SPATA16: variants seen among roughly 807,000 people sequenced by gnomAD.
The protein encoded by SPATA16 is spermatogenesis associated 16, also known as spermatogenesis-associated protein 16.
In SPATA16, 36 loss-of-function variants were observed where a neutral mutation model predicts 63.3. That is an observed-to-expected ratio of 0.57 (90% confidence interval 0.44 to 0.75). The LOEUF (loss-of-function observed/expected upper bound fraction) is 0.75. SPATA16 is among the 30% of genes least tolerant of loss of function. SPATA16 has a pLI of 0.00. For missense variants in SPATA16, 646 were observed against 679.3 expected, an observed-to-expected ratio of 0.95 and a Z score of 0.54; for synonymous variants, 203 against 216.7, an observed-to-expected ratio of 0.94 and a Z score of 0.56.
chr3:173,009,215 A>G (rs1735005220), intron 4 of SPATA16, among the ~76,000 whole-genome samples: 1 of 152,224 alleles, frequency 6.6e-6, no homozygotes, highest in African/African-American at 2.4e-5. Context: ...GAAAACACTA[A>G]GCTCTTCAAA....
chr3:173,046,067 C>T (rs912277078), intron 3 of SPATA16, among the ~76,000 whole-genome samples: 2 of 151,874 alleles, frequency 1.3e-5, no homozygotes, highest in African/African-American at 4.8e-5. Flanking sequence ...AAAATCTTTG[C>T]AAGTATATAC....
At chr3:173,044,385 A>G (rs73044914) in intron 3 of SPATA16, among the ~76,000 whole-genome samples, 1,868 of 152,310 alleles carry the variant, frequency 0.012, 45 homozygotes, top group African/African-American at 0.043. Flanking sequence ...TGTTAAAGTA[A>G]TAAATTAGTA....
chr3:173,060,644 T>C (rs976259184), intron 2 of SPATA16, among the ~76,000 whole-genome samples: 1 of 152,222 alleles, frequency 6.6e-6, no homozygotes, highest in East Asian at 1.9e-4. Context: ...ACACTTACTA[T>C]TGCCTTATTT....
intron 2 of SPATA16, among the ~76,000 whole-genome samples, chr3:173,116,139 A>C (rs1737894058): frequency 6.6e-6 from 1 of 152,056 alleles, no homozygotes; most frequent in South Asian, 2.1e-4. Context: ...TGATCCTTTC[A>C]CCTTGGCTTC....
At chr3:173,022,895 C>T (rs766483421) in intron 3 of SPATA16, among the ~76,000 whole-genome samples, 34 of 151,992 alleles carry the variant, frequency 2.2e-4, no homozygotes, top group Middle Eastern at 3.2e-3. Flanking sequence ...AAATGATAGA[C>T]GTCATTGAAT....
intron 6 of SPATA16, among the ~76,000 whole-genome samples, chr3:172,937,118 A>C (rs1197306080): frequency 6.6e-6 from 1 of 152,188 alleles, no homozygotes; most frequent in African/African-American, 2.4e-5. Flanking sequence ...CTAGAGAAAT[A>C]GTGATGTGGA....
chr3:172,909,871 C>T (rs1326315720), intron 10 of SPATA16, among the ~76,000 whole-genome samples: 4 of 152,092 alleles, frequency 2.6e-5, no homozygotes, highest in African/African-American at 9.7e-5. Flanking sequence ...CTCCTATGAA[C>T]ATGGGTATCA....
chr3:173,140,428 A>C (rs931815505), intron 1 of SPATA16, among the ~76,000 whole-genome samples: 1 of 152,240 alleles, frequency 6.6e-6, no homozygotes, highest in African/African-American at 2.4e-5. Flanking sequence ...CAACCTTTGA[A>C]CAGCAAGGTC....
At chr3:172,937,411 A>C (rs1389674268) in intron 6 of SPATA16, among the ~76,000 whole-genome samples, 1 of 152,206 alleles carries the variant, frequency 6.6e-6, no homozygotes, top group Non-Finnish European at 1.5e-5. Flanking sequence ...GGTAATACAA[A>C]CTAATAGAAA....
At chr3:173,134,070 A>G (rs946122444) in intron 1 of SPATA16, among the ~76,000 whole-genome samples, 1 of 152,252 alleles carries the variant, frequency 6.6e-6, no homozygotes. Context: ...ATTGAGAATT[A>G]CTATAAATAA....
intron 6 of SPATA16, among the ~76,000 whole-genome samples, chr3:172,941,745 A>G (rs945363292): frequency 6.6e-6 from 1 of 152,088 alleles, no homozygotes; most frequent in Non-Finnish European, 1.5e-5. Context: ...ATTGGTAGAC[A>G]TGTGTATATA....
rs564947342 is a variant in SPATA16, at chr3:173,129,203, A to G, written c.-18-11454T>C. ...CTTCACAGGAACTCAGGAGCAAGAG[A>G]TCAGAAATGTTATCCATTTTTCTTG... On this transcript the variant is annotated intron_variant, in intron 1 of 10. Transcript: ENST00000351008. 6.6e-5 allele frequency among the ~76,000 whole-genome samples: 10 copies of G among 152,358 alleles called. No homozygotes were observed. The South Asian group carries it at 2.1e-3, about 32-fold the overall frequency.
chr3:172,979,611 A>C (rs1734251265), intron 4 of SPATA16, among the ~76,000 whole-genome samples: 2 of 152,088 alleles, frequency 1.3e-5, no homozygotes, highest in African/African-American at 2.4e-5. Context: ...ACCATTGTAA[A>C]ATTAGAATTT....
chr3:173,081,341 T>C (rs1736917775), intron 2 of SPATA16, among the ~76,000 whole-genome samples: 1 of 152,198 alleles, frequency 6.6e-6, no homozygotes. Context: ...TTCCGGATTA[T>C]GCATCAAGAC....
intron 10 of SPATA16, among the ~76,000 whole-genome samples, chr3:172,902,078 C>T (rs1450596141): frequency 6.6e-6 from 1 of 152,188 alleles, no homozygotes; most frequent in Non-Finnish European, 1.5e-5. Context: ...TGCTCTGTCA[C>T]CCAGGCTGGA....
chr3:173,090,022 A>T (rs1249610437), intron 2 of SPATA16, among the ~76,000 whole-genome samples: 1 of 152,222 alleles, frequency 6.6e-6, no homozygotes, highest in Admixed American at 6.5e-5. Context: ...ATTCTGAAAC[A>T]AAATAAAACA....
intron 6 of SPATA16, among the ~76,000 whole-genome samples, chr3:172,933,252 G>A (rs1211424506): frequency 6.6e-6 from 1 of 152,104 alleles, no homozygotes; most frequent in African/African-American, 2.4e-5. Flanking sequence ...AATGATCACT[G>A]GTTAATTGGC....
chr3:172,956,967 ATT>A, intron 5 of SPATA16, 143 bp from the exon 6 acceptor site: 1 of 959,460 alleles, frequency 1.0e-6, no homozygotes. Context: ...TTGAATATTC[ATT>A]AGAACAAAAT....
chr3:172,938,579 T>A (rs1233626955), intron 6 of SPATA16, among the ~76,000 whole-genome samples: 2 of 152,164 alleles, frequency 1.3e-5, no homozygotes, highest in Admixed American at 1.3e-4. Flanking sequence ...AGAGACCCCC[T>A]CTTTGGAGTC....
Sources: gnomAD v4.1 joint callset for allele counts (sites outside exome capture counted in the v4.1 genomes callset) on GRCh38, gnomAD v4.1.1 for gene constraint, MANE v1.5 for transcripts, NCBI Gene and HGNC (gene_info 2026-07-23, HGNC 2026-07-21) for gene names.